ITGA9: variants seen among roughly 807,000 people sequenced by gnomAD.
ITGA9 encodes integrin alpha-9.
In ITGA9, 56 loss-of-function variants were observed where a neutral mutation model predicts 127.8. That is an observed-to-expected ratio of 0.44 (90% CI 0.35 to 0.55). ITGA9 has a LOEUF of 0.55. ITGA9 is among the 20% of genes least tolerant of loss of function. The pLI, the probability that ITGA9 is intolerant of heterozygous loss-of-function variation, is 0.00. For synonymous variants in ITGA9, 508 were observed against 514.5 expected, an observed-to-expected ratio of 0.99 and a Z score of 0.17; for missense variants, 1,196 against 1,347.1, an observed-to-expected ratio of 0.89 and a Z score of 1.76.
intron 18 of ITGA9, among the ~76,000 whole-genome samples, chr3:37,694,671 G>A (rs1433109984): frequency 1.3e-5 from 2 of 152,170 alleles, no homozygotes; most frequent in Non-Finnish European, 2.9e-5. Context: ...TCTGTGGGGG[G>A]AATTTAGAAA....
At chr3:37,648,775 A>G (rs886993400) in intron 16 of ITGA9, among the ~76,000 whole-genome samples, 2 of 152,240 alleles carry the variant, frequency 1.3e-5, no homozygotes, top group African/African-American at 4.8e-5. Context: ...AGGTAAGTAT[A>G]TGGACAAAAT....
At chr3:37,479,302 A>G (rs399703) in intron 3 of ITGA9, among the ~76,000 whole-genome samples, 89,937 of 152,074 alleles carry the variant, frequency 0.59, 26,658 homozygotes, top group Middle Eastern at 0.68. Flanking sequence ...GCACAAAACA[A>G]TATCAAGGAG....
chr3:37,481,493 C>T lies in ITGA9; in HGVS notation c.430C>T (p.His144Tyr), dbSNP rs1160031026. 3.7e-6 allele frequency: 6 copies of T among 1,614,208 alleles called. No individual in the cohort carries two copies. In the East Asian group the frequency reaches 8.9e-5, roughly 24 times the overall value. The change falls in exon 4 of 28, where the codon CAT becomes TAT. Residue 144 changes from histidine to tyrosine, a missense_variant. Transcript: ENST00000264741. ...KADGRVLACA[H>Y]RWKNIYYEAD... ...CTCTCTATCCCTTTAGGCCTGTGCT[C>T]ATCGCTGGAAGAACATCTACTATGA...
At position 37,453,127 on chromosome 3, in the gene ITGA9, C is replaced by A. The variant is rs1057077288; in HGVS notation, c.185+568C>A. ...CCAGAGCCCCGGCGCCCCCCCCCCC[C>A]CCCAGCTCCTACAAGACCCTGGGTG... On this transcript the variant is annotated intron_variant, in intron 1 of 27. Transcript: ENST00000264741. Among the ~76,000 whole-genome samples the A allele has an allele frequency of 3.2e-3, 484 of 151,334 alleles. 2 individuals carry two copies. The highest frequency in any genetic ancestry group is 0.01 in the South Asian group (48 of 4,742).
intron 15 of ITGA9, among the ~76,000 whole-genome samples, chr3:37,614,408 G>A (rs1398354199): frequency 1.1e-4 from 16 of 152,060 alleles, no homozygotes; most frequent in South Asian, 2.1e-4. Flanking sequence ...TGATGCCTCC[G>A]GTTTTGTTCT....
At chr3:37,605,944 T>C (rs1398676616) in intron 15 of ITGA9, among the ~76,000 whole-genome samples, 2 of 152,100 alleles carry the variant, frequency 1.3e-5, no homozygotes, top group Non-Finnish European at 2.9e-5. Context: ...GAGTATGATA[T>C]AGTGTGCATG....
chr3:37,747,797 C>T (rs902132341), intron 22 of ITGA9, among the ~76,000 whole-genome samples: 1 of 150,530 alleles, frequency 6.6e-6, no homozygotes, highest in Non-Finnish European at 1.5e-5. Context: ...GGTGCAGTCT[C>T]AGCTCATTGC....
intron 18 of ITGA9, among the ~76,000 whole-genome samples, chr3:37,686,680 C>T (rs1404854881): frequency 3.3e-5 from 5 of 152,016 alleles, no homozygotes; most frequent in South Asian, 2.1e-4. Flanking sequence ...TCAGGCTCTT[C>T]GGGACGTGGT....
At chr3:37,578,992 T>C (rs1213320556) in intron 15 of ITGA9, among the ~76,000 whole-genome samples, 1 of 152,094 alleles carries the variant, frequency 6.6e-6, no homozygotes, top group Non-Finnish European at 1.5e-5. Flanking sequence ...AGTTAAATAA[T>C]GTTAAGGATA....
chr3:37,558,777 C>T (rs1011771550), intron 15 of ITGA9, among the ~76,000 whole-genome samples: 9 of 152,180 alleles, frequency 5.9e-5, no homozygotes, highest in Non-Finnish European at 8.8e-5. Flanking sequence ...CCCATGCCTT[C>T]CAGACTCCTG....
At chr3:37,709,853 C>G (rs768393829) in intron 18 of ITGA9, among the ~76,000 whole-genome samples, 10 of 152,212 alleles carry the variant, frequency 6.6e-5, no homozygotes, top group Non-Finnish European at 1.0e-4. Flanking sequence ...TATACCCTCT[C>G]CATGCTTGCT....
At chr3:37,709,255 A>C (rs189686450) in intron 18 of ITGA9, among the ~76,000 whole-genome samples, 1 of 152,300 alleles carries the variant, frequency 6.6e-6, no homozygotes, top group East Asian at 1.9e-4. Context: ...TGCCCACCAT[A>C]AATCCCCAGT....
At chr3:37,500,640 G>T (rs1474174554) in intron 5 of ITGA9, among the ~76,000 whole-genome samples, 1 of 152,200 alleles carries the variant, frequency 6.6e-6, no homozygotes, top group African/African-American at 2.4e-5. Flanking sequence ...TGAGAATTCA[G>T]TGGTGACTTT....
At chr3:37,787,899 C>G (rs529433992) in intron 26 of ITGA9, among the ~76,000 whole-genome samples, 4 of 152,188 alleles carry the variant, frequency 2.6e-5, no homozygotes, top group Non-Finnish European at 5.9e-5. Flanking sequence ...AACCACATAA[C>G]GTGTGCACGG....
rs548778383 is a variant in ITGA9, at chr3:37,537,019, C to G, written c.1528+3551C>G. ...GAAACTCTGAAGGTGGGACCCACATCTGTGTTTTTACAAGCCTCCAGATGG... is the reference window on the plus strand; with the variant it reads ...GAAACTCTGAAGGTGGGACCCACATGTGTGTTTTTACAAGCCTCCAGATGG... On this transcript the variant is annotated intron_variant, in intron 14 of 27. Transcript: ENST00000264741. 4.6e-5 allele frequency among the ~76,000 whole-genome samples: 7 copies of G among 152,356 alleles called. No homozygotes were observed. In the South Asian group the frequency reaches 8.3e-4, roughly 18 times the overall value.
At chr3:37,522,868 G>A (rs1236907068) in intron 11 of ITGA9, among the ~76,000 whole-genome samples, 3 of 152,178 alleles carry the variant, frequency 2.0e-5, no homozygotes, top group Non-Finnish European at 4.4e-5. Context: ...ATCTTCTTCA[G>A]CTGAGTGCTT....
chr3:37,512,759 T>A (rs1243334824), intron 8 of ITGA9, among the ~76,000 whole-genome samples: 1 of 152,194 alleles, frequency 6.6e-6, no homozygotes, highest in Non-Finnish European at 1.5e-5. Flanking sequence ...TGCAGCTGGG[T>A]TGAAGCTGCT....
At chr3:37,766,416 C>G (rs992904323) in intron 23 of ITGA9, among the ~76,000 whole-genome samples, 1 of 152,218 alleles carries the variant, frequency 6.6e-6, no homozygotes, top group African/African-American at 2.4e-5. Context: ...ACTGAGGTTT[C>G]ACTTTTCACT....
At chr3:37,526,502 G>A (rs1184120485) in intron 13 of ITGA9, among the ~76,000 whole-genome samples, 1 of 152,186 alleles carries the variant, frequency 6.6e-6, no homozygotes, top group Non-Finnish European at 1.5e-5. Context: ...TGTACCTCCA[G>A]TCAGTCCACA....
Sources: allele counts gnomAD v4.1 joint callset (sites outside exome capture counted in the v4.1 genomes callset), GRCh38; gene constraint gnomAD v4.1.1; transcripts MANE v1.5; gene names NCBI Gene and HGNC (gene_info 2026-07-23, HGNC 2026-07-21).